The following XPO5 variants were observed in gnomAD, a reference collection of about 807,000 sequenced individuals.
The protein encoded by XPO5 is exportin-5.
A neutral mutation model predicts 160.6 loss-of-function variants in XPO5; 46 were observed. The ratio of observed to expected loss-of-function variants is 0.29; its 90% CI spans 0.23 to 0.37. The LOEUF (loss-of-function observed/expected upper bound fraction) is 0.37. Ranked by LOEUF, XPO5 falls within the 10% of genes least tolerant of loss-of-function variation. The pLI is 1.00. For synonymous variants in XPO5, 537 were observed against 519.3 expected (o/e 1.03, Z -0.46); for missense variants, 1,090 against 1,463.9 (o/e 0.74, Z 4.17).
intron 20 of XPO5, chr6:43,544,401 GAA>G (rs1285528751): frequency 6.6e-6 from 1 of 152,196 alleles, no homozygotes; most frequent in Non-Finnish European, 1.5e-5. Flanking sequence ...ACTAGAAATT[GAA>G]AAGAGATTAT....
intron 7 of XPO5, among the ~76,000 whole-genome samples, chr6:43,566,347 T>C (rs1382603248): frequency 3.9e-5 from 6 of 151,910 alleles, no homozygotes; most frequent in East Asian, 1.9e-4. Context: ...TGAGCTGAGA[T>C]TGCGCCACTG....
chr6:43,537,476 G>T (rs776849246), intron 20 of XPO5, among the ~76,000 whole-genome samples: 8 of 152,152 alleles, frequency 5.3e-5, no homozygotes, highest in Non-Finnish European at 1.0e-4. Context: ...CGGCAATATG[G>T]TGTCTGTCCT....
In XPO5 at chr6:43,527,666, C is replaced by G; in HGVS notation, c.2888G>C (p.Arg963Thr). Residue 963 changes from arginine to threonine, a missense_variant, in exon 26 of 32, where the codon AGG becomes ACG. Physicochemically the swap from Arg to Thr is moderately conservative, Grantham distance 71 (BLOSUM62 -1). Around this residue, in one of 3 missense-constraint regions of XPO5, gnomAD observed 810 missense variants for 1,139.0 expected, o/e 0.71. Transcript: ENST00000265351. ...SQEMLEEQLVRMLTREVMDLI... is the reference protein window; with the variant it reads ...SQEMLEEQLVTMLTREVMDLI... ...GTCCATGACTTCTCGGGTTAACATC[C>G]TCACCAGTTGCTCCTCCAGCATCTC... The G allele has an allele frequency of 6.2e-7, 1 of 1,613,976 alleles. No homozygotes were observed. Among genetic ancestry groups the G allele is most frequent in the Non-Finnish European group, 8.5e-7 (1 of 1,179,894 alleles).
intron 5 of XPO5, among the ~76,000 whole-genome samples, 186 bp from the exon 6 acceptor site, chr6:43,568,923 C>G (rs1213928632): frequency 1.3e-5 from 2 of 152,210 alleles, no homozygotes; most frequent in Admixed American, 1.3e-4. Flanking sequence ...CAAGTAAAGT[C>G]AGAAGCATAA....
intron 20 of XPO5, among the ~76,000 whole-genome samples, chr6:43,543,165 G>A (rs1453176979): frequency 2.6e-5 from 4 of 152,264 alleles, no homozygotes; most frequent in Non-Finnish European, 5.9e-5. Flanking sequence ...TGGACAAAAT[G>A]TTAAAAGTCA....
intron 20 of XPO5, among the ~76,000 whole-genome samples, chr6:43,545,492 C>T (rs563818350): frequency 5.2e-4 from 79 of 151,996 alleles, no homozygotes; most frequent in African/African-American, 1.5e-3. Flanking sequence ...TGATCACTTG[C>T]GGCCAGGAGT....
chr6:43,573,740 G>T, intron 1 of XPO5, 139 bp from the exon 2 acceptor site: 1 of 1,023,398 alleles, frequency 9.8e-7, no homozygotes, highest in Non-Finnish European at 1.3e-6. Flanking sequence ...TGAGATGGGT[G>T]GACTACTTGA....
intron 10 of XPO5, 134 bp from the exon 11 acceptor site, chr6:43,560,437 T>A: frequency 8.7e-7 from 1 of 1,149,204 alleles, no homozygotes; most frequent in Non-Finnish European, 1.2e-6. Context: ...TCTACTGCAA[T>A]TTATCAGTAA....
At chr6:43,564,347 G>A (rs991889623) in intron 8 of XPO5, among the ~76,000 whole-genome samples, 1 of 152,122 alleles carries the variant, frequency 6.6e-6, no homozygotes, top group African/African-American at 2.4e-5. Flanking sequence ...CTGACCAACA[G>A]GGAGAAACCC....
Position 43,567,288 on chromosome 6 carries a change from A to G in XPO5, c.715T>C (p.Ser239Pro), listed in dbSNP as rs776730363. 3 of 1,613,950 alleles carry G rather than the reference A, an allele frequency of 1.9e-6. No individual in the cohort carries two copies. Among genetic ancestry groups the G allele is most frequent in the South Asian group, 1.1e-5 (1 of 91,064 alleles). ...TTTTCAGCAGTGATGTGACTCATAG[A>G]CACCCAGTCAATATAGCCTGCTAGA... The part of the protein sequence containing the change: ...NTLAGYIDWV[S>P]MSHITAENCK... Residue 239 changes from serine to proline, a missense_variant, in exon 7 of 32, where the codon TCT (serine) becomes CCT (proline). Ser to Pro is a moderately conservative substitution (Grantham distance 74). Transcript: ENST00000265351.
At position 43,551,325 on chromosome 6, in the gene XPO5, T is replaced by C. The variant is rs1395550274; in HGVS notation, c.1701A>G (p.Pro567=). Residue 567 remains proline, a synonymous_variant, in exon 15 of 32, where the codon CCA becomes CCG. Coordinates refer to ENST00000265351, the MANE Select transcript of XPO5 (RefSeq NM_020750.3). ...SALFPFVTYR[P]EFLPQVFSKL... ...TAGAGAAGACCTGGGGCAGGAACTC[T>C]GGTCTGTAGGTGACAAATGGAAAGA... 1 of 1,613,536 alleles carries C rather than the reference T, an allele frequency of 6.2e-7. No homozygotes were observed. The highest frequency in any genetic ancestry group is 8.5e-7 in the Non-Finnish European group (1 of 1,179,672).
chr6:43,543,676 T>A (rs1203887377), intron 20 of XPO5, among the ~76,000 whole-genome samples: 2 of 151,932 alleles, frequency 1.3e-5, no homozygotes, highest in Non-Finnish European at 2.9e-5. Context: ...TTATTTAATT[T>A]TTTTTTTCTT....
chr6:43,531,243 AAC>A lies in XPO5; in HGVS notation c.2540+234_2540+235del, dbSNP rs3830212. Among the ~76,000 whole-genome samples, 37,923 of 152,114 alleles carry A rather than the reference AAC, an allele frequency of 0.25. 5,644 individuals are homozygous for A. The highest frequency in any genetic ancestry group is 0.32 in the Non-Finnish European group (21,837 of 67,960). On this transcript the variant is annotated intron_variant, in intron 22 of 31. Transcript: ENST00000265351. ...GGGTTTCATCATTTTATACACTAGA[AAC>A]ACAGACAAGTTGGGCATGAAGCAGG...
intron 14 of XPO5, among the ~76,000 whole-genome samples, chr6:43,552,141 T>G (rs1336552320): frequency 6.6e-6 from 1 of 152,194 alleles, no homozygotes; most frequent in African/African-American, 2.4e-5. Flanking sequence ...CACTGCAACC[T>G]CCACCTCCTG....
chr6:43,539,430 C>T (rs1794558625), intron 20 of XPO5: 4 of 1,567,326 alleles, frequency 2.6e-6, no homozygotes, highest in African/African-American at 1.3e-5. Flanking sequence ...TCAATGATCT[C>T]TGATTCCTTA....
At chr6:43,564,033 T>A (rs1762557671) in intron 8 of XPO5, among the ~76,000 whole-genome samples, 1 of 152,086 alleles carries the variant, frequency 6.6e-6, no homozygotes, top group Admixed American at 6.5e-5. Context: ...AGCGATCTCC[T>A]GCCTCAGCCT....
rs1481487171 is a variant in XPO5 at position 43,567,334 on chromosome 6, T to C, written c.669A>G (p.Val223=). Residue 223 remains valine, a synonymous_variant, in exon 7 of 32, where the codon GTA becomes GTG. Coordinates refer to ENST00000265351, the MANE Select transcript of XPO5 (RefSeq NM_020750.3). ...QESKAQANCR[V]GVAALNTLAG... ...CTAGAGTATTCAGTGCTGCAACTCC[T>C]ACTCGACAGTTTGCTTGCGCCTACC... 2 of 1,607,512 alleles carry C rather than the reference T, an allele frequency of 1.2e-6. No homozygotes were observed. Among genetic ancestry groups the C allele is most frequent in the Non-Finnish European group, 1.7e-6 (2 of 1,177,736 alleles).
chr6:43,555,536 T>G (rs1370602814), intron 13 of XPO5: 4 of 214,456 alleles, frequency 1.9e-5, no homozygotes, highest in African/African-American at 4.6e-5. Flanking sequence ...GTTAAGCTGG[T>G]GCCTGAAGTG....
chr6:43,539,469 C>A lies in XPO5; in HGVS notation c.2343-5462G>T. ...GGCAGGGAGAAGAGATAGATCTCCT[C>A]CAGGGACTTGATCTTCATGTCCTTG... On this transcript the variant is annotated intron_variant, in intron 20 of 31. Coordinates refer to ENST00000265351, the MANE Select transcript of XPO5 (RefSeq NM_020750.3). 5 of 1,576,232 alleles carry A rather than the reference C, an allele frequency of 3.2e-6. No homozygotes were observed. In the South Asian group the frequency reaches 4.4e-5, roughly 14 times the overall value.
Sources: gnomAD v4.1 joint callset for allele counts (sites outside exome capture counted in the v4.1 genomes callset) on GRCh38, gnomAD v4.1.1 for gene constraint, gnomAD v4.1.1 regional missense constraint, MANE v1.5 for transcripts, NCBI Gene and HGNC (gene_info 2026-07-23, HGNC 2026-07-21) for gene names.